Variants in C9orf72 observed in about 807,000 individuals in gnomAD.
C9orf72 encodes C9orf72-SMCR8 complex subunit, also known as guanine nucleotide exchange factor C9orf72.
Under a neutral mutation model 51.6 loss-of-function variants are expected in C9orf72, and 44 were observed. The observed-to-expected ratio is 0.85, with a 90% confidence interval of 0.67 to 1.10. C9orf72 has a LOEUF of 1.10. C9orf72 is among the 50% of genes least tolerant of loss of function. The pLI is 0.00. For synonymous variants in C9orf72, 213 were observed against 194.2 expected, an observed-to-expected ratio of 1.10 and a Z score of -0.81; for missense variants, 607 against 570.6, an observed-to-expected ratio of 1.06 and a Z score of -0.65.
At chr9:27,561,518 T>A (rs1391761066) in intron 5 of C9orf72, 67 bp downstream of exon 5, 14 of 1,590,250 alleles carry the variant, frequency 8.8e-6, no homozygotes, top group Admixed American at 1.8e-5. Context: ...TTCTTCCAAA[T>A]CTTGTCATAG....
chr9:27,561,069 AC>A (rs1256265468), intron 5 of C9orf72: 1 of 188,744 alleles, frequency 5.3e-6, no homozygotes, highest in Non-Finnish European at 9.9e-6. Flanking sequence ...AGGTACTATT[AC>A]TATTATTGCC....
chr9:27,552,355 T>A (rs1357838901), intron 8 of C9orf72, among the ~76,000 whole-genome samples: 1 of 64,000 alleles, frequency 1.6e-5, no homozygotes, highest in Non-Finnish European at 3.7e-5. Flanking sequence ...TGTTTGTGAT[T>A]TTTCTTTTTT....
chr9:27,548,197 A>G lies in C9orf72; in HGVS notation c.*39T>C, dbSNP rs1443600927. On this transcript the variant is annotated 3_prime_UTR_variant, in exon 11 of 11. Coordinates refer to ENST00000380003, the MANE Select transcript of C9orf72 (RefSeq NM_018325.5). ...ACACCACTGAGCTACTTTACCAGCG[A>G]TCATGATTGTGATGGAATAGGCTTA... The G allele has an allele frequency of 4.0e-6, 6 of 1,508,722 alleles. No individual in the cohort carries two copies. Among genetic ancestry groups the G allele is most frequent in the Non-Finnish European group, 5.4e-6 (6 of 1,101,774 alleles). 93.5% of individuals were successfully genotyped at this position (1,508,722 alleles called of 1,614,324 possible). A position where few individuals can be genotyped will look rare whatever the true frequency, so the allele number is the denominator to read the frequency against.
At chr9:27,569,944 T>C (rs1209579268) in intron 1 of C9orf72, among the ~76,000 whole-genome samples, 2 of 152,232 alleles carry the variant, frequency 1.3e-5, no homozygotes, top group Non-Finnish European at 2.9e-5. Context: ...TGGAAAGCAC[T>C]GACTTCTATT....
chr9:27,572,851 T>G (rs1819617564), intron 1 of C9orf72, among the ~76,000 whole-genome samples: 1 of 152,244 alleles, frequency 6.6e-6, no homozygotes, highest in African/African-American at 2.4e-5. Flanking sequence ...AACCAGGTCA[T>G]GTCCCACAGA....
At chr9:27,573,127 A>G (rs1819625621) in intron 1 of C9orf72, among the ~76,000 whole-genome samples, 1 of 152,088 alleles carries the variant, frequency 6.6e-6, no homozygotes, top group African/African-American at 2.4e-5. Context: ...CAGCGCTCCC[A>G]GCGGGTCCCC....
chr9:27,554,238 C>G (rs1295344163), intron 8 of C9orf72, among the ~76,000 whole-genome samples: 1 of 152,122 alleles, frequency 6.6e-6, no homozygotes, highest in Non-Finnish European at 1.5e-5. Context: ...CAGCACTATT[C>G]ATGATAACAA....
At position 27,548,038 on chromosome 9, in the gene C9orf72, A is replaced by G; in HGVS notation, c.*198T>C. On this transcript the variant is annotated 3_prime_UTR_variant, in exon 11 of 11. Coordinates refer to ENST00000380003, the MANE Select transcript of C9orf72 (RefSeq NM_018325.5). ...GTCTGTATCCCAAAAGCATAAATCT[A>G]GGAAAAGAGACACCCAATGTAATGA... 1 of 406,664 alleles carries G rather than the reference A, an allele frequency of 2.5e-6. No individual in the cohort carries two copies. The highest frequency in any genetic ancestry group is 4.4e-6 in the Non-Finnish European group (1 of 229,802). 25.2% of individuals were successfully genotyped at this position (406,664 alleles called of 1,614,324 possible). A position where few individuals can be genotyped will look rare whatever the true frequency, so the allele number is the denominator to read the frequency against.
chr9:27,550,763 T>C (rs1820890444), intron 8 of C9orf72, 56 bp from the exon 9 acceptor site: 1 of 933,612 alleles, frequency 1.1e-6, no homozygotes, highest in Non-Finnish European at 1.7e-6. Flanking sequence ...GAAATGGCCA[T>C]ATAATGCTAC....
chr9:27,560,168 C>T (rs915799914), intron 6 of C9orf72, 59 bp downstream of exon 6: 7 of 1,112,860 alleles, frequency 6.3e-6, no homozygotes, highest in Non-Finnish European at 7.8e-6. Context: ...AATGACAATC[C>T]ATGATATATC....
At chr9:27,560,596 T>C (rs3849944) in intron 5 of C9orf72, 444,431 of 907,734 alleles carry the variant, frequency 0.49, 109,672 homozygotes, top group South Asian at 0.51. Flanking sequence ...AATTGACATG[T>C]AGAGAGATTA....
intron 8 of C9orf72, among the ~76,000 whole-genome samples, chr9:27,554,415 C>A (rs939823801): frequency 1.3e-5 from 2 of 152,144 alleles, no homozygotes; most frequent in African/African-American, 2.4e-5. Context: ...CATGTTCTCA[C>A]TTCTAAGTGG....
chr9:27,556,779 A>G lies in C9orf72; in HGVS notation c.873T>C (p.Phe291=). The part of the protein sequence containing the change: ...QGLLKDSTGS[F]VLPFRQVMYA... ...ACATGACTTGCCGGAAAGGCAGCACAAAGCTTCCAGTTGAATCCTGTCAAA... is the reference window on the plus strand; with the variant it reads ...ACATGACTTGCCGGAAAGGCAGCACGAAGCTTCCAGTTGAATCCTGTCAAA... Residue 291 remains phenylalanine, a synonymous_variant, in exon 8 of 11, where the codon TTT becomes TTC. Coordinates refer to ENST00000380003, the MANE Select transcript of C9orf72 (RefSeq NM_018325.5). 2 of 1,613,162 alleles carry G rather than the reference A, an allele frequency of 1.2e-6. No individual in the cohort carries two copies. The highest frequency in any genetic ancestry group is 2.2e-5 in the South Asian group (2 of 91,054).
chr9:27,571,581 A>C (rs548736946), intron 1 of C9orf72, among the ~76,000 whole-genome samples: 1 of 152,122 alleles, frequency 6.6e-6, no homozygotes, highest in East Asian at 1.9e-4. Context: ...TCAGCCTCCC[A>C]AGTAGCTAGG....
At chr9:27,562,351 A>T in intron 4 of C9orf72, 30 bp downstream of exon 4, 1 of 1,157,802 alleles carries the variant, frequency 8.6e-7, no homozygotes, top group East Asian at 2.5e-5. Flanking sequence ...AAAACTCATA[A>T]AGTGTATAAT....
At chr9:27,558,983 A>AC (rs1819274759) in intron 6 of C9orf72, 1 of 156,232 alleles carries the variant, frequency 6.4e-6, no homozygotes, top group African/African-American at 2.4e-5. Flanking sequence ...ATATCAAAGA[A>AC]TGTCCAGATC....
intron 7 of C9orf72, among the ~76,000 whole-genome samples, chr9:27,557,337 G>C (rs866780038): frequency 1.2e-4 from 18 of 152,058 alleles, no homozygotes; most frequent in Admixed American, 5.9e-4. Flanking sequence ...TAATCAGTTG[G>C]GGTAGCCAGT....
At chr9:27,550,114 CTTT>C (rs138783526) in intron 9 of C9orf72, among the ~76,000 whole-genome samples, 1 of 149,500 alleles carries the variant, frequency 6.7e-6, no homozygotes, top group Admixed American at 6.7e-5. Context: ...AAGTTTATAA[CTTT>C]TTTTTAATAT....
At position 27,546,996 on chromosome 9, in the gene C9orf72, ATATT is replaced by A. The variant is rs1270479204; in HGVS notation, c.*1236_*1239del. 2 of 152,514 alleles carry A rather than the reference ATATT, an allele frequency of 1.3e-5. No homozygotes were observed. The highest frequency in any genetic ancestry group is 2.4e-5 in the African/African-American group (1 of 41,460). The allele number at this position is 152,514 out of a possible 1,614,324, so 9.4% of individuals were successfully genotyped here. ...TATTACTTCCAGAATTTTAAATAAA[ATATT>A]TATTTGTGTTTGTGTAACTACAATG... is the stretch of plus-strand genomic sequence containing the variant. On this transcript the variant is annotated 3_prime_UTR_variant, in exon 11 of 11. Transcript: ENST00000380003.
Sources: gnomAD v4.1 joint callset for allele counts (sites outside exome capture counted in the v4.1 genomes callset) on GRCh38, gnomAD v4.1.1 for gene constraint, MANE v1.5 for transcripts, NCBI Gene and HGNC (gene_info 2026-07-23, HGNC 2026-07-21) for gene names.